LEKR1: variants seen among roughly 807,000 people sequenced by gnomAD.
LEKR1 encodes the protein leucine, glutamate and lysine rich 1.
A neutral mutation model predicts 72.4 loss-of-function variants in LEKR1; 59 were observed. The ratio of observed to expected loss-of-function variants is 0.82; its 90% CI spans 0.66 to 1.01. The LOEUF (loss-of-function observed/expected upper bound fraction) is 1.01. LEKR1 is among the 50% of genes least tolerant of loss of function. The probability of loss-of-function intolerance (pLI) is 0.00; values close to 1 mark genes in which losing one functional copy is unlikely to be tolerated. For missense variants in LEKR1, 728 were observed against 759.2 expected, an observed-to-expected ratio of 0.96 and a Z score of 0.48; for synonymous variants, 257 against 263.2, an observed-to-expected ratio of 0.98 and a Z score of 0.23.
intron 6 of LEKR1, among the ~76,000 whole-genome samples, chr3:156,953,873 G>A (rs1727391855): frequency 6.6e-6 from 1 of 151,680 alleles, no homozygotes; most frequent in Non-Finnish European, 1.5e-5. Flanking sequence ...TATTCCTCTG[G>A]GTATATACCC....
intron 3 of LEKR1, among the ~76,000 whole-genome samples, chr3:156,877,424 A>G (rs1290662093): frequency 6.6e-6 from 1 of 152,162 alleles, no homozygotes; most frequent in African/African-American, 2.4e-5. Context: ...TAGAGAATTC[A>G]GCTGTGAACC....
intron 10 of LEKR1, among the ~76,000 whole-genome samples, chr3:157,018,359 G>A (rs145213163): frequency 6.6e-6 from 1 of 152,246 alleles, no homozygotes; most frequent in Non-Finnish European, 1.5e-5. Context: ...TTCTCAATTT[G>A]ACAGCAGAAT....
intron 7 of LEKR1, among the ~76,000 whole-genome samples, chr3:156,980,967 A>G (rs549425630): frequency 6.6e-6 from 1 of 152,304 alleles, no homozygotes; most frequent in East Asian, 1.9e-4. Context: ...GTATACAAAG[A>G]TGGTCCTATA....
At chr3:156,916,950 C>T (rs958194379) in intron 3 of LEKR1, among the ~76,000 whole-genome samples, 12 of 151,974 alleles carry the variant, frequency 7.9e-5, no homozygotes, top group African/African-American at 2.7e-4. Context: ...TGAGCAGAGC[C>T]TCAAACATGA....
At chr3:157,029,343 A>G (rs2108037974) in intron 12 of LEKR1, among the ~76,000 whole-genome samples, 1 of 152,274 alleles carries the variant, frequency 6.6e-6, no homozygotes, top group African/African-American at 2.4e-5. Context: ...TAGATCAAGA[A>G]TAATGCCTAA....
intron 3 of LEKR1, among the ~76,000 whole-genome samples, chr3:156,872,953 G>C (rs965207283): frequency 2.2e-4 from 33 of 151,878 alleles, no homozygotes; most frequent in African/African-American, 7.2e-4. Flanking sequence ...ATATCTGTTA[G>C]GTCCCTTTAG....
At chr3:157,005,710 T>C (rs1299952646) in intron 9 of LEKR1, among the ~76,000 whole-genome samples, 4 of 152,090 alleles carry the variant, frequency 2.6e-5, no homozygotes, top group Admixed American at 1.3e-4. Flanking sequence ...TTATCAAAAT[T>C]AACGTGTTCT....
chr3:156,878,273 T>C (rs1452921306), intron 3 of LEKR1, among the ~76,000 whole-genome samples: 1 of 152,172 alleles, frequency 6.6e-6, no homozygotes, highest in Non-Finnish European at 1.5e-5. Flanking sequence ...TGCTATGAAC[T>C]TTCCTGTTAA....
intron 7 of LEKR1, among the ~76,000 whole-genome samples, chr3:156,991,276 T>A (rs777602891): frequency 4.4e-4 from 67 of 152,178 alleles, no homozygotes; most frequent in Middle Eastern, 3.4e-3. Context: ...TTAACCTGGA[T>A]GGTAATCACC....
chr3:156,910,808 A>G lies in LEKR1; in HGVS notation c.264-9767A>G, dbSNP rs1212131785. On this transcript the variant is annotated intron_variant, in intron 3 of 12. Coordinates refer to ENST00000356539, the MANE Select transcript of LEKR1 (RefSeq NM_001004316.3). ...ATTGTGAATTAGTGCTGTGATGAAC[A>G]TGTCTTTTTAGTAAAACAATTTATT... is the stretch of plus-strand genomic sequence containing the variant. 3.9e-5 allele frequency among the ~76,000 whole-genome samples: 6 copies of G among 152,040 alleles called. No individual in the cohort carries two copies. In the East Asian group the frequency reaches 1.2e-3, roughly 29 times the overall value.
intron 6 of LEKR1, among the ~76,000 whole-genome samples, chr3:156,973,465 C>T (rs1341385890): frequency 6.6e-6 from 1 of 152,054 alleles, no homozygotes; most frequent in East Asian, 1.9e-4. Context: ...GGGCTGAGCT[C>T]CTTGTGCTTC....
intron 5 of LEKR1, among the ~76,000 whole-genome samples, chr3:156,937,170 C>A (rs936338012): frequency 1.5e-4 from 22 of 143,750 alleles, no homozygotes; most frequent in Admixed American, 5.4e-4. Flanking sequence ...ACAAGAACAG[C>A]AAGAACAACA....
intron 2 of LEKR1, among the ~76,000 whole-genome samples, chr3:156,831,058 C>T (rs1179862472): frequency 6.6e-6 from 1 of 152,092 alleles, no homozygotes; most frequent in Non-Finnish European, 1.5e-5. Flanking sequence ...TTACTCAAAT[C>T]AATCTCCGAA....
intron 6 of LEKR1, among the ~76,000 whole-genome samples, chr3:156,965,926 T>A (rs1253062806): frequency 1.3e-5 from 2 of 152,212 alleles, no homozygotes. Context: ...AAATGAGATA[T>A]TACTTTTGTA....
intron 5 of LEKR1, among the ~76,000 whole-genome samples, chr3:156,935,197 C>T (rs1387561619): frequency 6.6e-6 from 1 of 152,134 alleles, no homozygotes; most frequent in Non-Finnish European, 1.5e-5. Context: ...CTCAGAAGCT[C>T]AAGAACCTTG....
In LEKR1 at chr3:157,011,446, C is replaced by A; in HGVS notation, c.1143C>A (p.Ile381=). Reference sequence around the variant, plus strand: ...TGCTGATTTCACATCAGAAAAGCATCGAGCAGCTGCAAGAAACCCTTAGAC... The same window carrying A: ...TGCTGATTTCACATCAGAAAAGCATAGAGCAGCTGCAAGAAACCCTTAGAC... ...ELMLISHQKS[I]EQLQETLRQK... is the part of the protein sequence containing the mutation. Residue 381 remains isoleucine, a synonymous_variant, in exon 10 of 13, where the codon ATC becomes ATA. Transcript: ENST00000356539. 1 of 1,613,002 alleles carries A rather than the reference C, an allele frequency of 6.2e-7. No homozygotes were observed. The highest frequency in any genetic ancestry group is 8.5e-7 in the Non-Finnish European group (1 of 1,179,254).
intron 6 of LEKR1, among the ~76,000 whole-genome samples, chr3:156,974,553 A>T (rs1403780799): frequency 2.0e-5 from 3 of 152,028 alleles, no homozygotes; most frequent in Non-Finnish European, 4.4e-5. Context: ...GGTGTCTTTA[A>T]TTGCTGTTTC....
Position 156,829,309 on chromosome 3 carries a change from C to T in LEKR1, c.-21C>T, listed in dbSNP as rs1405341916. 1 of 1,512,372 alleles carries T rather than the reference C, an allele frequency of 6.6e-7. No individual in the cohort carries two copies. The allele number at this position is 1,512,372 out of a possible 1,614,324, so 93.7% of individuals were successfully genotyped here. A position where few individuals can be genotyped will look rare whatever the true frequency, so the allele number is the denominator to read the frequency against. ...AGATTTCCTTTGGCTTCAAAGCTCT[C>T]TCACCATATTTTGGGAAGTTATGGA... On this transcript the variant is annotated 5_prime_UTR_variant, in exon 2 of 13. Coordinates refer to ENST00000356539, the MANE Select transcript of LEKR1 (RefSeq NM_001004316.3).
intron 3 of LEKR1, among the ~76,000 whole-genome samples, chr3:156,866,674 A>G (rs1360798746): frequency 1.3e-5 from 2 of 151,812 alleles, no homozygotes; most frequent in East Asian, 3.9e-4. Flanking sequence ...TATTGATATG[A>G]TGTTTTATGA....
Sources: allele counts gnomAD v4.1 joint callset (sites outside exome capture counted in the v4.1 genomes callset), GRCh38; gene constraint gnomAD v4.1.1; transcripts MANE v1.5; gene names NCBI Gene and HGNC (gene_info 2026-07-23, HGNC 2026-07-21).